Variants in NTNG1 observed in about 807,000 individuals in gnomAD.
NTNG1 encodes netrin G1.
Under a neutral mutation model 54.0 loss-of-function variants are expected in NTNG1, and 16 were observed. The ratio of observed to expected loss-of-function variants is 0.30; its 90% CI spans 0.20 to 0.45. The LOEUF is 0.45. Among genes scored for constraint, NTNG1 ranks in the 20% least tolerant of loss-of-function variants. The pLI is 1.00. For synonymous variants in NTNG1, 255 were observed against 263.1 expected, an observed-to-expected ratio of 0.97 and a Z score of 0.30; for missense variants, 530 against 678.7, an observed-to-expected ratio of 0.78 and a Z score of 2.43.
At position 107,483,379 on chromosome 1, in the gene NTNG1, T is replaced by C. The variant is rs918188866; in HGVS notation, c.*2539T>C. The C allele has an allele frequency of 6.6e-6, 1 of 152,258 alleles. No individual in the cohort carries two copies. The highest frequency in any genetic ancestry group is 2.4e-5 in the African/African-American group (1 of 41,476). 9.4% of individuals were successfully genotyped at this position (152,258 alleles called of 1,614,324 possible). A position where few individuals can be genotyped will look rare whatever the true frequency, so the allele number is the denominator to read the frequency against. On this transcript the variant is annotated 3_prime_UTR_variant, in exon 8 of 8. Coordinates refer to ENST00000370068, the MANE Select transcript of NTNG1 (RefSeq NM_001113226.3). ...AATCTAAATTGATGAGGAATATCTT[T>C]CATTCCGTGTATTTAGATATAGTTT... is the stretch of plus-strand genomic sequence containing the variant.
intron 7 of NTNG1, 29 bp from the exon 8 acceptor site, chr1:107,480,582 C>CT: frequency 1.4e-6 from 1 of 707,698 alleles, no homozygotes; most frequent in Non-Finnish European, 2.4e-6. Flanking sequence ...CCGCGCCCAC[C>CT]CACCCCTACC....
At chr1:107,386,136 T>C (rs1671962760) in intron 3 of NTNG1, among the ~76,000 whole-genome samples, 1 of 105,664 alleles carries the variant, frequency 9.5e-6, no homozygotes, top group Non-Finnish European at 2.2e-5. Flanking sequence ...TGTATGTATA[T>C]ATATATATGT....
intron 3 of NTNG1, among the ~76,000 whole-genome samples, chr1:107,374,500 T>C (rs1416715095): frequency 6.6e-6 from 1 of 152,144 alleles, no homozygotes; most frequent in African/African-American, 2.4e-5. Flanking sequence ...AATCATTTCT[T>C]CTAATTTCAT....
chr1:107,298,369 A>C (rs1241662364), intron 2 of NTNG1, among the ~76,000 whole-genome samples: 1 of 152,166 alleles, frequency 6.6e-6, no homozygotes, highest in Admixed American at 6.6e-5. Context: ...CATCTGCACT[A>C]TCATAGACCT....
intron 3 of NTNG1, among the ~76,000 whole-genome samples, chr1:107,388,215 T>C (rs1386345645): frequency 6.6e-6 from 1 of 152,194 alleles, no homozygotes; most frequent in Non-Finnish European, 1.5e-5. Flanking sequence ...AGATAGTAAC[T>C]ATAGAAATAA....
intron 5 of NTNG1, among the ~76,000 whole-genome samples, chr1:107,416,233 A>C (rs940077071): frequency 6.6e-6 from 1 of 151,966 alleles, no homozygotes; most frequent in African/African-American, 2.4e-5. Context: ...TTTGATCCGG[A>C]TTTTCATATG....
At chr1:107,306,950 C>A (rs527410812) in intron 2 of NTNG1, among the ~76,000 whole-genome samples, 1 of 152,304 alleles carries the variant, frequency 6.6e-6, no homozygotes, top group East Asian at 1.9e-4. Context: ...TGATTCAGCT[C>A]ATAAAGTCAA....
At chr1:107,426,242 G>T (rs1339814839) in intron 5 of NTNG1, among the ~76,000 whole-genome samples, 1 of 151,816 alleles carries the variant, frequency 6.6e-6, no homozygotes, top group Non-Finnish European at 1.5e-5. Context: ...TAAATTCTTT[G>T]CCTAGGCTGA....
chr1:107,169,701 GAC>G (rs747839523), intron 2 of NTNG1, among the ~76,000 whole-genome samples: 3 of 152,264 alleles, frequency 2.0e-5, no homozygotes, highest in South Asian at 4.2e-4. Context: ...TCTATTCTCT[GAC>G]ACAACCCCCA....
At chr1:107,199,542 T>A (rs1477677208) in intron 2 of NTNG1, among the ~76,000 whole-genome samples, 1 of 151,914 alleles carries the variant, frequency 6.6e-6, no homozygotes. Context: ...ACATCAAAAT[T>A]CATCCATTCA....
At chr1:107,271,416 A>G (rs1032280802) in intron 2 of NTNG1, among the ~76,000 whole-genome samples, 1 of 152,140 alleles carries the variant, frequency 6.6e-6, no homozygotes, top group African/African-American at 2.4e-5. Flanking sequence ...TGTAACCTCC[A>G]TGTTTTCCTT....
intron 2 of NTNG1, among the ~76,000 whole-genome samples, chr1:107,276,737 G>A (rs1664503046): frequency 6.6e-6 from 1 of 151,778 alleles, no homozygotes; most frequent in South Asian, 2.1e-4. Context: ...ATTGTTCGAT[G>A]AATAAACTAA....
intron 3 of NTNG1, among the ~76,000 whole-genome samples, chr1:107,389,279 T>C (rs1172658583): frequency 6.6e-6 from 1 of 152,148 alleles, no homozygotes; most frequent in Admixed American, 6.5e-5. Context: ...TGCATTCATG[T>C]TTTTCTTCAC....
intron 7 of NTNG1, among the ~76,000 whole-genome samples, chr1:107,442,065 T>A (rs955903488): frequency 1.3e-5 from 2 of 152,132 alleles, no homozygotes; most frequent in Admixed American, 6.6e-5. Context: ...AAACATTCTA[T>A]CTTCCAAAAT....
At chr1:107,446,505 T>C (rs1676315048) in intron 7 of NTNG1, among the ~76,000 whole-genome samples, 1 of 152,118 alleles carries the variant, frequency 6.6e-6, no homozygotes, top group Admixed American at 6.6e-5. Context: ...TATAATACCA[T>C]GTTCACAGGG....
intron 7 of NTNG1, among the ~76,000 whole-genome samples, chr1:107,477,436 C>G (rs1288889937): frequency 6.6e-6 from 1 of 152,230 alleles, no homozygotes; most frequent in Non-Finnish European, 1.5e-5. Context: ...CTAGTGCCCC[C>G]TGTTGGTGGG....
intron 3 of NTNG1, among the ~76,000 whole-genome samples, chr1:107,351,117 G>T (rs893958650): frequency 1.3e-5 from 2 of 152,072 alleles, no homozygotes; most frequent in Non-Finnish European, 2.9e-5. Context: ...CACAATTTTT[G>T]TCTGTTAATT....
At chr1:107,250,363 G>A (rs1662507930) in intron 2 of NTNG1, among the ~76,000 whole-genome samples, 2 of 152,124 alleles carry the variant, frequency 1.3e-5, no homozygotes, top group Non-Finnish European at 2.9e-5. Context: ...CATGGCAGGT[G>A]TGCTCCTGGG....
intron 3 of NTNG1, among the ~76,000 whole-genome samples, chr1:107,341,163 T>C (rs963080637): frequency 4.6e-5 from 7 of 152,048 alleles, no homozygotes; most frequent in Non-Finnish European, 8.8e-5. Context: ...TATTTTTAAT[T>C]ATTTTTTATA....
Sources: gnomAD v4.1 joint callset for allele counts (sites outside exome capture counted in the v4.1 genomes callset) on GRCh38, gnomAD v4.1.1 for gene constraint, MANE v1.5 for transcripts, NCBI Gene and HGNC (gene_info 2026-07-23, HGNC 2026-07-21) for gene names.